ENOPH1: variants seen among roughly 807,000 people sequenced by gnomAD.
ENOPH1 encodes enolase-phosphatase 1.
A neutral mutation model predicts 31.1 loss-of-function variants in ENOPH1; 14 were observed. That is an observed-to-expected ratio of 0.45 (90% CI 0.30 to 0.70). The LOEUF (loss-of-function observed/expected upper bound fraction) is 0.70. ENOPH1 is among the 30% of genes least tolerant of loss of function. The probability of loss-of-function intolerance (pLI) is 0.09; values close to 1 mark genes in which losing one functional copy is unlikely to be tolerated. For synonymous variants in ENOPH1, 127 were observed against 123.2 expected, an observed-to-expected ratio of 1.03 and a Z score of -0.21; for missense variants, 243 against 321.5, an observed-to-expected ratio of 0.76 and a Z score of 1.87.
chr4:82,460,586 A>T lies in ENOPH1; in HGVS notation c.*466A>T, dbSNP rs1021264031. 1 of 152,754 alleles carries T rather than the reference A, an allele frequency of 6.5e-6. No individual in the cohort carries two copies. Among genetic ancestry groups the T allele is most frequent in the Non-Finnish European group, 1.5e-5 (1 of 68,436 alleles). 9.5% of individuals were successfully genotyped at this position (152,754 alleles called of 1,614,324 possible). A position where few individuals can be genotyped will look rare whatever the true frequency, so the allele number is the denominator to read the frequency against. Reference sequence around the variant, plus strand: ...TAGAAGATTATAACAGCTGTATTTCATATTTGCCTCCTTATATATATCAAA... The same window carrying T: ...TAGAAGATTATAACAGCTGTATTTCTTATTTGCCTCCTTATATATATCAAA... On this transcript the variant is annotated 3_prime_UTR_variant, in exon 6 of 6. Transcript: ENST00000273920.
intron 1 of ENOPH1, among the ~76,000 whole-genome samples, chr4:82,443,726 CAA>C (rs200920472): frequency 8.0e-6 from 1 of 124,332 alleles, no homozygotes; most frequent in African/African-American, 2.9e-5. Flanking sequence ...ACTCCAGTCT[CAA>C]AAAAAAAAGG....
At chr4:82,445,990 T>G (rs1455670121) in intron 1 of ENOPH1, among the ~76,000 whole-genome samples, 1 of 152,234 alleles carries the variant, frequency 6.6e-6, no homozygotes. Context: ...TCCTGCTCTC[T>G]GTAGGCTCTC....
chr4:82,440,738 A>G (rs1232876853), intron 1 of ENOPH1, among the ~76,000 whole-genome samples: 4 of 152,198 alleles, frequency 2.6e-5, no homozygotes, highest in Non-Finnish European at 5.9e-5. Flanking sequence ...ACTTAATTAG[A>G]TAACAGTGTA....
chr4:82,442,628 G>A lies in ENOPH1; in HGVS notation c.85-5292G>A, dbSNP rs555440034. 1.3e-4 allele frequency among the ~76,000 whole-genome samples: 20 copies of A among 152,096 alleles called. No individual in the cohort carries two copies. The South Asian group carries it at 4.1e-3, about 32-fold the overall frequency. ...GGTTATACATTTTTATTGCAGAAAA[G>A]AGATATGCAAAAAAGTTTCTTTTAA... is the stretch of plus-strand genomic sequence containing the variant. On this transcript the variant is annotated intron_variant, in intron 1 of 5. Coordinates refer to ENST00000273920, the MANE Select transcript of ENOPH1 (RefSeq NM_021204.5).
rs1422587923 is a variant in ENOPH1, at chr4:82,461,101, A to C, written c.*981A>C. ...ATTTTTTCTTCACTCAGTTTTATAT[A>C]GGTTCCTGAACTCTATCCACATGCC... is the stretch of plus-strand genomic sequence containing the variant. On this transcript the variant is annotated 3_prime_UTR_variant, in exon 6 of 6. Coordinates refer to ENST00000273920, the MANE Select transcript of ENOPH1 (RefSeq NM_021204.5). 6.6e-6 allele frequency: 1 copy of C among 152,226 alleles called. No individual in the cohort carries two copies. Among genetic ancestry groups the C allele is most frequent in the East Asian group, 1.9e-4 (1 of 5,204 alleles). 9.4% of individuals were successfully genotyped at this position (152,226 alleles called of 1,614,324 possible). A position where few individuals can be genotyped will look rare whatever the true frequency, so the allele number is the denominator to read the frequency against.
In ENOPH1 at chr4:82,430,600, C is replaced by T. The variant is rs1291799852; in HGVS notation, c.-230C>T. 3.8e-6 allele frequency: 2 copies of T among 522,134 alleles called. No individual in the cohort carries two copies. Among genetic ancestry groups the T allele is most frequent in the Non-Finnish European group, 6.8e-6 (2 of 292,858 alleles). 32.3% of individuals were successfully genotyped at this position (522,134 alleles called of 1,614,324 possible). A position where few individuals can be genotyped will look rare whatever the true frequency, so the allele number is the denominator to read the frequency against. On this transcript the variant is annotated 5_prime_UTR_variant, in exon 1 of 6. Transcript: ENST00000273920. ...TTTCCTGCCCACGTGGTCTCGGGCT[C>T]CTGCCCCGTCCTGCTCACGAGTTCA...
chr4:82,449,576 A>C (rs1722292925), intron 2 of ENOPH1, among the ~76,000 whole-genome samples: 1 of 152,200 alleles, frequency 6.6e-6, no homozygotes, highest in African/African-American at 2.4e-5. Flanking sequence ...TTGTGAGGAC[A>C]GCATCAAGGA....
chr4:82,445,235 G>GA (rs70964771), intron 1 of ENOPH1, among the ~76,000 whole-genome samples: 278 of 148,120 alleles, frequency 1.9e-3, no homozygotes, highest in Non-Finnish European at 2.9e-3. Context: ...TCTCAAAAAA[G>GA]AAAAAAAAAA....
At chr4:82,441,416 A>T (rs1449098755) in intron 1 of ENOPH1, among the ~76,000 whole-genome samples, 2 of 152,104 alleles carry the variant, frequency 1.3e-5, no homozygotes, top group Non-Finnish European at 2.9e-5. Context: ...AGGTCAGGAG[A>T]TCGAGACCAT....
At chr4:82,450,431 T>A (rs184279406) in intron 2 of ENOPH1, among the ~76,000 whole-genome samples, 1 of 152,146 alleles carries the variant, frequency 6.6e-6, no homozygotes, top group Admixed American at 6.5e-5. Flanking sequence ...CTCCCTTACC[T>A]TTTTTTGTTG....
At chr4:82,436,079 C>G (rs1721897510) in intron 1 of ENOPH1, among the ~76,000 whole-genome samples, 1 of 152,152 alleles carries the variant, frequency 6.6e-6, no homozygotes, top group Admixed American at 6.5e-5. Context: ...TGAAACCCAC[C>G]ATGCTCCCAG....
chr4:82,446,899 G>A (rs1186541091), intron 1 of ENOPH1, among the ~76,000 whole-genome samples: 1 of 149,610 alleles, frequency 6.7e-6, no homozygotes, highest in East Asian at 2.0e-4. Flanking sequence ...GTAGAGACGG[G>A]GTTTCACCTT....
At chr4:82,439,424 T>C (rs376481235) in intron 1 of ENOPH1, among the ~76,000 whole-genome samples, 7 of 152,204 alleles carry the variant, frequency 4.6e-5, no homozygotes, top group African/African-American at 1.4e-4. Flanking sequence ...GTTAAGCTTG[T>C]GTATACTTAC....
At chr4:82,444,245 G>A (rs1431809509) in intron 1 of ENOPH1, among the ~76,000 whole-genome samples, 3 of 148,752 alleles carry the variant, frequency 2.0e-5, no homozygotes, top group African/African-American at 5.0e-5. Context: ...TTTTTGAGAC[G>A]GAGTCTCACT....
intron 1 of ENOPH1, among the ~76,000 whole-genome samples, chr4:82,431,609 G>T (rs1169205955): frequency 6.6e-6 from 1 of 152,190 alleles, no homozygotes; most frequent in East Asian, 1.9e-4. Flanking sequence ...GCACTTGTCT[G>T]CACCTCAGCT....
At position 82,451,225 on chromosome 4, in the gene ENOPH1, A is replaced by C. The variant is rs1198323683; in HGVS notation, c.369A>C (p.Thr123=). ...LQGHMWRAAF[T]AGRMKAEFFA... ...GCCACATGTGGAGGGCGGCATTCAC[A>C]GCTGGGCGCATGAAAGCAGAGTATG... Residue 123 remains threonine (T), a synonymous_variant, in exon 3 of 6, where the codon ACA becomes ACC. Transcript: ENST00000273920. 1.2e-6 allele frequency: 2 copies of C among 1,614,198 alleles called. No individual in the cohort carries two copies. The highest frequency in any genetic ancestry group is 1.7e-5 in the Admixed American group (1 of 60,018).
At chr4:82,447,657 G>C (rs1206290174) in intron 1 of ENOPH1, among the ~76,000 whole-genome samples, 1 of 152,232 alleles carries the variant, frequency 6.6e-6, no homozygotes, top group Admixed American at 6.5e-5. Context: ...ATAAATGAGT[G>C]TGGCTATGTT....
chr4:82,448,966 G>A (rs1722271144), intron 2 of ENOPH1, among the ~76,000 whole-genome samples: 1 of 150,292 alleles, frequency 6.7e-6, no homozygotes, highest in Admixed American at 6.7e-5. Flanking sequence ...GCTGAGGCAG[G>A]AGAATGGCGT....
intron 1 of ENOPH1, among the ~76,000 whole-genome samples, chr4:82,440,811 T>C (rs1465864785): frequency 1.3e-5 from 2 of 152,242 alleles, no homozygotes; most frequent in Admixed American, 1.3e-4. Context: ...CAGCACCACA[T>C]TGATTAATTC....
Sources: allele counts gnomAD v4.1 joint callset (sites outside exome capture counted in the v4.1 genomes callset), GRCh38; gene constraint gnomAD v4.1.1; transcripts MANE v1.5; gene names NCBI Gene and HGNC (gene_info 2026-07-23, HGNC 2026-07-21).